Variants in DCUN1D2 observed in about 807,000 individuals in gnomAD.
DCUN1D2 encodes defective in cullin neddylation 1 domain containing 2.
Under a neutral mutation model 30.9 loss-of-function variants are expected in DCUN1D2, and 29 were observed. That is an observed-to-expected ratio of 0.94 (90% CI 0.70 to 1.28). DCUN1D2 has a LOEUF of 1.28. DCUN1D2 is among the 50% of genes most tolerant of loss of function. The pLI, the probability that DCUN1D2 is intolerant of heterozygous loss-of-function variation, is 0.00. For synonymous variants in DCUN1D2, 121 were observed against 115.3 expected (o/e 1.05, Z -0.32); for missense variants, 325 against 316.9 (o/e 1.03, Z -0.19).
rs371754040 is a variant in DCUN1D2 at position 113,459,286 on chromosome 13, A to G, written c.700+26T>C. ...TTCTCAGGTGTAAGCATTTCGGTCA[A>G]TCATCTGAAGCACAACTTCCGGTAC... On this transcript the variant is annotated intron_variant, in intron 6 of 6. Transcript: ENST00000478244. The G allele has an allele frequency of 6.7e-5, 87 of 1,298,106 alleles. No homozygotes were observed. The African/African-American group carries it at 1.2e-3, about 18-fold the overall frequency. 80.4% of individuals were successfully genotyped at this position (1,298,106 alleles called of 1,614,324 possible). A position where few individuals can be genotyped will look rare whatever the true frequency, so the allele number is the denominator to read the frequency against.
chr13:113,483,840 C>G lies in DCUN1D2; in HGVS notation c.220G>C (p.Asp74His), dbSNP rs974836993. Residue 74 changes from aspartate to histidine, a missense_variant and splice_region_variant, in exon 2 of 7, where the codon GAT becomes CAT. Transcript: ENST00000478244. Reference sequence around the variant, plus strand: ...CGGCTTTGCTGCAGTCTCCTCTTACCTTTGTACCTGCCGTACAGCCGCTCC... The same window carrying G: ...CGGCTTTGCTGCAGTCTCCTCTTACGTTTGTACCTGCCGTACAGCCGCTCC... ...KLERLYGRYKDPQDENKIGVD... is the reference protein window; with the variant it reads ...KLERLYGRYKHPQDENKIGVD... 6 of 1,612,028 alleles carry G rather than the reference C, an allele frequency of 3.7e-6. No homozygotes were observed. The highest frequency in any genetic ancestry group is 5.1e-6 in the Non-Finnish European group (6 of 1,180,006).
At chr13:113,472,013 G>A (rs993887728) in intron 4 of DCUN1D2, among the ~76,000 whole-genome samples, 3 of 152,158 alleles carry the variant, frequency 2.0e-5, no homozygotes, top group African/African-American at 4.8e-5. Flanking sequence ...TTAAGTCGGG[G>A]GAGAGTGTAT....
Position 113,459,345 on chromosome 13 carries a change from T to C in DCUN1D2, c.667A>G (p.Ile223Val). The change falls in exon 6 of 7, where the codon ATT (isoleucine) becomes GTT (valine). Residue 223 changes from isoleucine (I) to valine (V), a missense_variant. Ile to Val is a conservative substitution (Grantham distance 29). Transcript: ENST00000478244. ...WNLLLDFGNMIADDMSNYDEE... is the reference protein window; with the variant it reads ...WNLLLDFGNMVADDMSNYDEE... ...TCGTAGTTAGACATATCATCCGCAA[T>C]CATGTTTCCAAAGTCCAGCAGGAGG... The C allele has an allele frequency of 6.2e-7, 1 of 1,604,128 alleles. No individual in the cohort carries two copies. The highest frequency in any genetic ancestry group is 8.5e-7 in the Non-Finnish European group (1 of 1,171,050).
intron 4 of DCUN1D2, among the ~76,000 whole-genome samples, chr13:113,466,318 T>C (rs2044402100): frequency 6.6e-6 from 1 of 152,204 alleles, no homozygotes; most frequent in African/African-American, 2.4e-5. Context: ...TAGAGTGGAA[T>C]AGCAAAGATA....
At chr13:113,491,271 C>G (rs1346471947), upstream of DCUN1D2, 1 of 152,382 alleles carries the variant, frequency 6.6e-6, no homozygotes, top group Non-Finnish European at 1.5e-5. Flanking sequence ...TCCCTGCGTC[C>G]CGGTGAGCAC....
chr13:113,458,990 G>C (rs895209942), intron 6 of DCUN1D2, among the ~76,000 whole-genome samples: 2 of 152,186 alleles, frequency 1.3e-5, no homozygotes, highest in Non-Finnish European at 2.9e-5. Context: ...GTGCAGTGTG[G>C]AACTGACCTA....
intron 4 of DCUN1D2, among the ~76,000 whole-genome samples, chr13:113,462,419 T>C (rs1199640996): frequency 1.3e-5 from 2 of 152,196 alleles, no homozygotes; most frequent in African/African-American, 2.4e-5. Flanking sequence ...TTAGGTAATA[T>C]GTTAGTTTAA....
chr13:113,485,028 A>G (rs2044776786), intron 1 of DCUN1D2, among the ~76,000 whole-genome samples: 1 of 152,150 alleles, frequency 6.6e-6, no homozygotes, highest in Non-Finnish European at 1.5e-5. Context: ...CAGCGAGCTG[A>G]GATCGTGCCA....
At chr13:113,459,593 A>G (rs2044285790) in intron 5 of DCUN1D2, 185 bp from the exon 6 acceptor site, 3 of 447,818 alleles carry the variant, frequency 6.7e-6, no homozygotes, top group South Asian at 9.3e-5. Context: ...GCTAATGTCC[A>G]AATATAGAAA....
intron 3 of DCUN1D2, among the ~76,000 whole-genome samples, chr13:113,474,587 AG>A (rs1246613453): frequency 6.6e-6 from 1 of 152,244 alleles, no homozygotes; most frequent in Non-Finnish European, 1.5e-5. Context: ...AATTATTAAA[AG>A]AAAAACCCAA....
At chr13:113,486,243 G>A (rs970524445) in intron 1 of DCUN1D2, among the ~76,000 whole-genome samples, 4 of 151,946 alleles carry the variant, frequency 2.6e-5, no homozygotes, top group East Asian at 1.9e-4. Context: ...GTGAACTGGC[G>A]CAGGAACAGA....
rs2044257843 is a variant in DCUN1D2 at position 113,458,222 on chromosome 13, C to G, written c.701-114G>C. 4 of 890,370 alleles carry G rather than the reference C, an allele frequency of 4.5e-6. No homozygotes were observed. In the East Asian group the frequency reaches 9.7e-5, roughly 22 times the overall value. 55.2% of individuals were successfully genotyped at this position (890,370 alleles called of 1,614,324 possible). On this transcript the variant is annotated intron_variant, in intron 6 of 6. Transcript: ENST00000478244. ...TTCAAGAACCCAAATGACTTGAGGT[C>G]CACACCATTTGTGTTTCACAGAATG...
In DCUN1D2 at chr13:113,488,042, C is replaced by G. The variant is rs914241316; in HGVS notation, c.3+2625G>C. Among the ~76,000 whole-genome samples, 1 of 152,162 alleles carries G rather than the reference C, an allele frequency of 6.6e-6. No homozygotes were observed. Among genetic ancestry groups the G allele is most frequent in the African/African-American group, 2.4e-5 (1 of 41,454 alleles). On this transcript the variant is annotated intron_variant, in intron 1 of 6. Coordinates refer to ENST00000478244, the MANE Select transcript of DCUN1D2 (RefSeq NM_001014283.2). This position sits in a 1 kb window ranked among gnomAD's most constrained non-coding sequence, Gnocchi z 4.3. ...AGCTCCTGCCGATAACCCCTTGAAG[C>G]CTCCCCTAATGTGTGACAACACCAT... is the stretch of plus-strand genomic sequence containing the variant.
At chr13:113,481,966 G>A (rs952348571) in intron 2 of DCUN1D2, among the ~76,000 whole-genome samples, 3 of 151,810 alleles carry the variant, frequency 2.0e-5, no homozygotes, top group Non-Finnish European at 2.9e-5. Flanking sequence ...CCTCAGCATA[G>A]TTTATGGGAC....
chr13:113,474,079 C>A, intron 4 of DCUN1D2, 45 bp downstream of exon 4: 2 of 1,593,102 alleles, frequency 1.3e-6, no homozygotes, highest in African/African-American at 2.7e-5. Context: ...CCACTGAAAA[C>A]CTCATTATGA....
intron 4 of DCUN1D2, among the ~76,000 whole-genome samples, chr13:113,470,655 G>A (rs1193650984): frequency 4.7e-5 from 5 of 107,490 alleles, no homozygotes; most frequent in South Asian, 6.5e-4. Context: ...AGGGGACCCA[G>A]CTCCACGCAA....
intron 4 of DCUN1D2, among the ~76,000 whole-genome samples, chr13:113,467,781 T>A (rs576670363): frequency 6.6e-6 from 1 of 152,212 alleles, no homozygotes; most frequent in African/African-American, 2.4e-5. Context: ...CGGTGGCTCA[T>A]GCCTGTAATC....
chr13:113,456,450 T>C lies in DCUN1D2; in HGVS notation c.*1579A>G, dbSNP rs2044227452. 5.0e-6 allele frequency: 2 copies of C among 398,724 alleles called. No individual in the cohort carries two copies. Among genetic ancestry groups the C allele is most frequent in the Admixed American group, 8.8e-5 (2 of 22,740 alleles). 24.7% of individuals were successfully genotyped at this position (398,724 alleles called of 1,614,324 possible). ...TCTCAGAAGCCAACCCAGCTGCTTG[T>C]CTGGGCCATGCTCTCTCACACCGCA... On this transcript the variant is annotated 3_prime_UTR_variant, in exon 7 of 7. Coordinates refer to ENST00000478244, the MANE Select transcript of DCUN1D2 (RefSeq NM_001014283.2).
In DCUN1D2 at chr13:113,456,017, C is replaced by G; in HGVS notation, c.*2012G>C. ...GTACTGTGGATCTCCATAGTTTATA[C>G]AGAATTATGTGAATTCTATAAACTT... On this transcript the variant is annotated 3_prime_UTR_variant, in exon 7 of 7. Coordinates refer to ENST00000478244, the MANE Select transcript of DCUN1D2 (RefSeq NM_001014283.2). 1 of 394,026 alleles carries G rather than the reference C, an allele frequency of 2.5e-6. No homozygotes were observed. Among genetic ancestry groups the G allele is most frequent in the Non-Finnish European group, 4.5e-6 (1 of 223,836 alleles). The allele number at this position is 394,026 out of a possible 1,614,324, so 24.4% of individuals were successfully genotyped here. A position where few individuals can be genotyped will look rare whatever the true frequency, so the allele number is the denominator to read the frequency against.
Sources: allele counts gnomAD v4.1 joint callset (sites outside exome capture counted in the v4.1 genomes callset), GRCh38; gene constraint gnomAD v4.1.1; non-coding constraint Gnocchi (gnomAD v3.1); transcripts MANE v1.5; gene names NCBI Gene and HGNC (gene_info 2026-07-23, HGNC 2026-07-21).